OXR1: variants seen among roughly 807,000 people sequenced by gnomAD.
OXR1 encodes oxidation resistance 1.
Under a neutral mutation model 104.6 loss-of-function variants are expected in OXR1, and 41 were observed. That is an observed-to-expected ratio of 0.39 (90% confidence interval 0.31 to 0.51). The LOEUF is 0.51. Among genes scored for constraint, OXR1 ranks in the 20% least tolerant of loss-of-function variants. OXR1 has a pLI of 0.77. For synonymous variants in OXR1, 348 were observed against 348.4 expected (o/e 1.00, Z 0.01); for missense variants, 955 against 1,031.9 (o/e 0.93, Z 1.02).
chr8:106,749,929 A>G (rs1336089136), intron 16 of OXR1, among the ~76,000 whole-genome samples: 3 of 152,096 alleles, frequency 2.0e-5, no homozygotes, highest in Non-Finnish European at 4.4e-5. Flanking sequence ...CCTAGATTAT[A>G]TCTTGGTTCT....
intron 2 of OXR1, among the ~76,000 whole-genome samples, chr8:106,440,687 A>G (rs1323227490): frequency 1.3e-5 from 2 of 152,114 alleles, no homozygotes. Flanking sequence ...TGTAATTATT[A>G]TATCCTTAGA....
intron 5 of OXR1, among the ~76,000 whole-genome samples, chr8:106,683,848 A>G (rs1828427309): frequency 6.6e-6 from 1 of 152,318 alleles, no homozygotes; most frequent in Admixed American, 6.5e-5. Flanking sequence ...TCTTTTGCTA[A>G]GGTCAATAGT....
At chr8:106,710,297 ATT>A (rs1379498899) in intron 9 of OXR1, among the ~76,000 whole-genome samples, 2 of 148,830 alleles carry the variant, frequency 1.3e-5, no homozygotes, top group African/African-American at 2.4e-5. Context: ...TTATATATAT[ATT>A]ATGTGTGTGT....
chr8:106,718,666 C>T (rs1465305275), intron 11 of OXR1, among the ~76,000 whole-genome samples: 4 of 151,836 alleles, frequency 2.6e-5, no homozygotes, highest in Non-Finnish European at 5.9e-5. Flanking sequence ...GGTGAAACCC[C>T]GTCTCTACTA....
chr8:106,704,809 C>T (rs28921413), intron 8 of OXR1, among the ~76,000 whole-genome samples: 2 of 152,048 alleles, frequency 1.3e-5, no homozygotes, highest in African/African-American at 4.8e-5. Flanking sequence ...ACTGTTTTGT[C>T]ATTCATTGTC....
intron 3 of OXR1, among the ~76,000 whole-genome samples, chr8:106,610,573 C>T (rs376397771): frequency 5.3e-5 from 8 of 152,190 alleles, no homozygotes; most frequent in Non-Finnish European, 1.0e-4. Context: ...TATCCTGTCT[C>T]GTACCATGCC....
At chr8:106,661,325 G>A (rs1825745189) in intron 3 of OXR1, among the ~76,000 whole-genome samples, 2 of 152,094 alleles carry the variant, frequency 1.3e-5, no homozygotes, top group Non-Finnish European at 2.9e-5. Flanking sequence ...AGCTTTTAGT[G>A]CTTGCTGGCT....
chr8:106,541,936 C>A (rs1814985277), intron 3 of OXR1, among the ~76,000 whole-genome samples: 1 of 152,168 alleles, frequency 6.6e-6, no homozygotes, highest in Non-Finnish European at 1.5e-5. Flanking sequence ...TTTGTTTAAT[C>A]TCAAGTATCT....
intron 2 of OXR1, among the ~76,000 whole-genome samples, chr8:106,432,122 T>C (rs539496199): frequency 6.6e-6 from 1 of 152,360 alleles, no homozygotes; most frequent in African/African-American, 2.4e-5. Context: ...CATTTTCACC[T>C]GCCCTTGCTA....
At chr8:106,563,311 A>AAG (rs1563608119) in intron 3 of OXR1, among the ~76,000 whole-genome samples, 2 of 150,506 alleles carry the variant, frequency 1.3e-5, no homozygotes, top group African/African-American at 4.9e-5. Flanking sequence ...AAAAAAAAAA[A>AAG]AAAGAAAAAA....
At chr8:106,667,980 A>G (rs1213678047) in intron 3 of OXR1, among the ~76,000 whole-genome samples, 1 of 151,434 alleles carries the variant, frequency 6.6e-6, no homozygotes, top group Non-Finnish European at 1.5e-5. Context: ...AAAAAAAAAA[A>G]GAAAAAAAAT....
intron 3 of OXR1, among the ~76,000 whole-genome samples, chr8:106,654,657 ATAGT>A (rs895411929): frequency 1.2e-4 from 19 of 152,182 alleles, no homozygotes; most frequent in African/African-American, 4.1e-4. Context: ...AAAAAACATA[ATAGT>A]TAATCTTCGA....
intron 2 of OXR1, among the ~76,000 whole-genome samples, chr8:106,439,641 A>T (rs1487621942): frequency 1.3e-5 from 2 of 151,948 alleles, no homozygotes; most frequent in East Asian, 3.9e-4. Context: ...GTCACTGCCC[A>T]CCCCACCTCA....
At chr8:106,339,522 ATATATATATATATATAT>A (rs1815140373) in intron 1 of OXR1, among the ~76,000 whole-genome samples, 3 of 19,304 alleles carry the variant, frequency 1.6e-4, no homozygotes, top group African/African-American at 6.7e-4. Context: ...AAAAAAAAAT[ATATATATATATATATAT>A]ATATATATAT....
intron 11 of OXR1, among the ~76,000 whole-genome samples, chr8:106,724,095 G>A (rs1833105081): frequency 6.6e-6 from 1 of 152,096 alleles, no homozygotes; most frequent in Non-Finnish European, 1.5e-5. Flanking sequence ...AATAAATAGT[G>A]AGTAGGGTAA....
At chr8:106,458,378 A>C (rs1820721371) in intron 2 of OXR1, among the ~76,000 whole-genome samples, 1 of 152,136 alleles carries the variant, frequency 6.6e-6, no homozygotes, top group Admixed American at 6.5e-5. Context: ...ACAAGCTGTA[A>C]ACCCTGGTGG....
chr8:106,738,574 A>G (rs1316131346), intron 12 of OXR1, among the ~76,000 whole-genome samples: 1 of 151,732 alleles, frequency 6.6e-6, no homozygotes, highest in Non-Finnish European at 1.5e-5. Context: ...CATATTTTCC[A>G]ATTTAAAAGT....
chr8:106,698,448 A>C (rs2131334290), intron 7 of OXR1, among the ~76,000 whole-genome samples: 1 of 152,146 alleles, frequency 6.6e-6, no homozygotes, highest in South Asian at 2.1e-4. Flanking sequence ...AAATTTGGAA[A>C]ATATTTGACC....
At chr8:106,745,201 TAA>T (rs1471778785) in intron 15 of OXR1, among the ~76,000 whole-genome samples, 2 of 152,182 alleles carry the variant, frequency 1.3e-5, no homozygotes, top group African/African-American at 4.8e-5. Flanking sequence ...AAAACACCCA[TAA>T]AAGGTTAGAA....
Sources: gnomAD v4.1 joint callset for allele counts (sites outside exome capture counted in the v4.1 genomes callset) on GRCh38, gnomAD v4.1.1 for gene constraint, MANE v1.5 for transcripts, NCBI Gene and HGNC (gene_info 2026-07-23, HGNC 2026-07-21) for gene names.